Variants in KCNT2 observed in about 807,000 individuals in gnomAD.
The protein encoded by KCNT2 is potassium sodium-activated channel subfamily T member 2.
Under a neutral mutation model 153.8 loss-of-function variants are expected in KCNT2, and 67 were observed. The observed-to-expected ratio is 0.44, with a 90% CI of 0.36 to 0.53. The LOEUF (loss-of-function observed/expected upper bound fraction) is 0.53, where lower values mean the gene tolerates loss of function less well. Among genes scored for constraint, KCNT2 ranks in the 20% least tolerant of loss-of-function variants. The pLI is 0.00. For synonymous variants in KCNT2, 500 were observed against 458.8 expected (o/e 1.09, Z -1.15); for missense variants, 975 against 1,354.8 (o/e 0.72, Z 4.40).
intron 2 of KCNT2, among the ~76,000 whole-genome samples, chr1:196,490,879 T>C (rs1679806787): frequency 6.6e-6 from 1 of 152,026 alleles, no homozygotes; most frequent in African/African-American, 2.4e-5. Flanking sequence ...CTTAATAAAA[T>C]CTAGAAATGA....
intron 23 of KCNT2, 139 bp from the exon 24 acceptor site, chr1:196,282,495 A>C: frequency 1.9e-6 from 1 of 516,364 alleles, no homozygotes; most frequent in East Asian, 3.0e-5. Flanking sequence ...CTCCATACAA[A>C]AGTAAATTTA....
rs1344511522 is a variant in KCNT2 at position 196,479,192 on chromosome 1, T to G, written c.371A>C (p.Tyr124Ser). The change falls in exon 5 of 28, where the codon TAT becomes TCT. Residue 124 changes from tyrosine to serine, a missense_variant. Coordinates refer to ENST00000294725, the MANE Select transcript of KCNT2 (RefSeq NM_198503.5). ...AAAATAACTTACCTTATAACTAAGA[T>G]AACCAAGTAATATTGTTTCAAACAG... ...ISLFETILLG[Y>S]LSYKGNIWEQ... The G allele has an allele frequency of 6.4e-7, 1 of 1,564,724 alleles. No individual in the cohort carries two copies. The highest frequency in any genetic ancestry group is 1.7e-5 in the Admixed American group (1 of 58,214).
chr1:196,577,683 G>GTCTTGAGGTTAGAGT (rs1217041688), intron 1 of KCNT2, among the ~76,000 whole-genome samples: 3 of 152,144 alleles, frequency 2.0e-5, no homozygotes, highest in African/African-American at 7.2e-5. Flanking sequence ...GATTCCGAGA[G>GTCTTGAGGTTAGAGT]CACTGGTTAG....
intron 12 of KCNT2, among the ~76,000 whole-genome samples, chr1:196,419,165 AT>A (rs201632097): frequency 1.0e-4 from 15 of 150,316 alleles, no homozygotes; most frequent in East Asian, 2.0e-4. Context: ...TTAATTTTTA[AT>A]TTTTTTTATT....
chr1:196,533,252 C>G (rs1655166734), intron 1 of KCNT2, among the ~76,000 whole-genome samples: 1 of 152,090 alleles, frequency 6.6e-6, no homozygotes. Context: ...TAGTGAAGCT[C>G]TCTTCCAATA....
At chr1:196,398,517 G>T in intron 13 of KCNT2, 46 bp downstream of exon 13, 1 of 1,001,470 alleles carries the variant, frequency 1.0e-6, no homozygotes, top group East Asian at 2.4e-5. Flanking sequence ...AGCCACTATA[G>T]GAGTTTCAGG....
chr1:196,357,572 T>C (rs752014729), intron 14 of KCNT2, among the ~76,000 whole-genome samples: 13 of 151,898 alleles, frequency 8.6e-5, no homozygotes, highest in South Asian at 2.1e-4. Context: ...GGTGCAGACA[T>C]GTGGCCTGGG....
chr1:196,559,648 A>G (rs1264729942), intron 1 of KCNT2, among the ~76,000 whole-genome samples: 1 of 151,830 alleles, frequency 6.6e-6, no homozygotes, highest in African/African-American at 2.4e-5. Flanking sequence ...CCTCTTTCAC[A>G]CTAAACAGCT....
At chr1:196,475,495 C>A (rs1327783460) in intron 5 of KCNT2, among the ~76,000 whole-genome samples, 1 of 151,912 alleles carries the variant, frequency 6.6e-6, no homozygotes, top group Non-Finnish European at 1.5e-5. Context: ...TGGTGCACAC[C>A]TGCAGTCCCA....
intron 1 of KCNT2, among the ~76,000 whole-genome samples, chr1:196,555,531 T>A (rs1658524287): frequency 6.6e-6 from 1 of 151,408 alleles, no homozygotes; most frequent in South Asian, 2.1e-4. Context: ...AAATTTTCCA[T>A]GTTCACAGGT....
At chr1:196,556,775 A>G (rs2148911448) in intron 1 of KCNT2, among the ~76,000 whole-genome samples, 1 of 151,616 alleles carries the variant, frequency 6.6e-6, no homozygotes, top group East Asian at 1.9e-4. Flanking sequence ...TGATACTTAC[A>G]CACAACAGAG....
Position 196,282,778 on chromosome 1 carries a change from T to A in KCNT2, c.2698-422A>T, listed in dbSNP as rs72732229. On this transcript the variant is annotated intron_variant, in intron 23 of 27. Coordinates refer to ENST00000294725, the MANE Select transcript of KCNT2 (RefSeq NM_198503.5). ...AAGCTAGTGAAGTAAATTTCTAAAC[T>A]ATATTTATCATTTATTATTGCATAT... Among the ~76,000 whole-genome samples the A allele has an allele frequency of 5.7e-3, 867 of 152,362 alleles. 16 individuals are homozygous for A. Among genetic ancestry groups the A allele is most frequent in the Non-Finnish European group, 6.5e-3 (439 of 68,024 alleles).
At chr1:196,481,294 T>A (rs973967269) in intron 4 of KCNT2, among the ~76,000 whole-genome samples, 2 of 152,156 alleles carry the variant, frequency 1.3e-5, no homozygotes, top group Non-Finnish European at 2.9e-5. Context: ...ATGAAAGATA[T>A]TGAAGACTTG....
At chr1:196,418,837 T>C (rs1337674249) in intron 12 of KCNT2, among the ~76,000 whole-genome samples, 2 of 152,064 alleles carry the variant, frequency 1.3e-5, no homozygotes, top group African/African-American at 4.8e-5. Flanking sequence ...GGAGACAAAA[T>C]GCAATCCAAA....
chr1:196,387,393 C>T (rs1234958118), intron 13 of KCNT2, among the ~76,000 whole-genome samples: 1 of 151,886 alleles, frequency 6.6e-6, no homozygotes, highest in Admixed American at 6.6e-5. Flanking sequence ...TAACCCATTC[C>T]TGTGTCAGTG....
rs1659232643 is a variant in KCNT2, at chr1:196,560,480, A to T, written c.95+47735T>A. On this transcript the variant is annotated intron_variant, in intron 1 of 27. Transcript: ENST00000294725. The stretch of plus-strand genomic sequence containing the variant: ...GTACATCGTCTTCTCTTTGAAATGT[A>T]TATAAGTCCTTTGGAAAGCTAAGTA... Among the ~76,000 whole-genome samples the T allele has an allele frequency of 2.6e-5, 4 of 151,910 alleles. No homozygotes were observed. In the South Asian group the frequency reaches 8.3e-4, roughly 31 times the overall value.
At chr1:196,369,055 A>C (rs1197920456) in intron 14 of KCNT2, among the ~76,000 whole-genome samples, 1 of 152,100 alleles carries the variant, frequency 6.6e-6, no homozygotes, top group Non-Finnish European at 1.5e-5. Context: ...TTTCTTATCA[A>C]TTCTCTCTTT....
chr1:196,463,725 C>A (rs551595794), intron 8 of KCNT2, among the ~76,000 whole-genome samples: 5 of 151,356 alleles, frequency 3.3e-5, no homozygotes, highest in Non-Finnish European at 7.4e-5. Flanking sequence ...AATGAATAAC[C>A]CTTTCTCTAG....
intron 25 of KCNT2, among the ~76,000 whole-genome samples, chr1:196,266,264 T>C (rs929835611): frequency 6.6e-6 from 1 of 152,146 alleles, no homozygotes; most frequent in Admixed American, 6.5e-5. Flanking sequence ...AAGTTGAGGA[T>C]TGAACTATAG....
Sources: gnomAD v4.1 joint callset for allele counts (sites outside exome capture counted in the v4.1 genomes callset) on GRCh38, gnomAD v4.1.1 for gene constraint, MANE v1.5 for transcripts, NCBI Gene and HGNC (gene_info 2026-07-23, HGNC 2026-07-21) for gene names.